ADA: variants seen among roughly 807,000 people sequenced by gnomAD.
ADA encodes adenosine aminohydrolase.
A neutral mutation model predicts 49.0 loss-of-function variants in ADA; 45 were observed. That is an observed-to-expected ratio of 0.92 (90% confidence interval 0.72 to 1.18). ADA has a LOEUF of 1.18. ADA is among the 50% of genes most tolerant of loss of function. ADA has a pLI of 0.00. For synonymous variants in ADA, 173 were observed against 184.2 expected, an observed-to-expected ratio of 0.94 and a Z score of 0.49; for missense variants, 445 against 472.5, an observed-to-expected ratio of 0.94 and a Z score of 0.54.
At position 44,619,705 on chromosome 20, in the gene ADA, G is replaced by T; in HGVS notation, c.*129C>A. 1 of 1,246,708 alleles carries T rather than the reference G, an allele frequency of 8.0e-7. No homozygotes were observed. Among genetic ancestry groups the T allele is most frequent in the Non-Finnish European group, 1.2e-6 (1 of 851,720 alleles). 77.2% of individuals were successfully genotyped at this position (1,246,708 alleles called of 1,614,324 possible). Reference sequence around the variant, plus strand: ...ACGTGTGTGCAGAAATGGACACATAGGGTTCAGGAGCATCAGTAACTGACT... The same window carrying T: ...ACGTGTGTGCAGAAATGGACACATATGGTTCAGGAGCATCAGTAACTGACT... On this transcript the variant is annotated 3_prime_UTR_variant, in exon 12 of 12. Transcript: ENST00000372874.
chr20:44,622,269 C>T lies in ADA; in HGVS notation c.845+319G>A, dbSNP rs987658856. Among the ~76,000 whole-genome samples, 9 of 152,288 alleles carry T rather than the reference C, an allele frequency of 5.9e-5. No homozygotes were observed. The South Asian group carries it at 8.3e-4, about 14-fold the overall frequency. On this transcript the variant is annotated intron_variant, in intron 9 of 11. Transcript: ENST00000372874. ...GCCAGAGGGACTCCTGCTTCCTATGCGATGCCCAGGGGGCAGAGTTGGGAG... is the reference window on the plus strand; with the variant it reads ...GCCAGAGGGACTCCTGCTTCCTATGTGATGCCCAGGGGGCAGAGTTGGGAG...
rs144168646 is a variant in ADA, at chr20:44,629,073, C to T, written c.192G>A (p.Lys64=). The T allele has an allele frequency of 1.3e-4, 202 of 1,614,206 alleles. 2 individuals carry two copies. In the East Asian group the frequency reaches 4.2e-3, roughly 34 times the overall value. ...KPLTLPDFLA[K]FDYYMPAIAG... is the part of the protein sequence containing the mutation. ...CGATAGCAGGCATGTAGTAGTCAAA[C>T]TTGGCCAGGAAGTCTGGAAGGGTGA... Residue 64 remains lysine (K), a synonymous_variant, in exon 3 of 12, where the codon AAG becomes AAA. Transcript: ENST00000372874.
intron 1 of ADA, among the ~76,000 whole-genome samples, chr20:44,644,947 C>T (rs781051439): frequency 3.2e-4 from 49 of 152,250 alleles, no homozygotes; most frequent in Non-Finnish European, 6.0e-4. Context: ...GGCAACAAGA[C>T]TGAGGCTCAG....
chr20:44,620,921 C>G (rs2065324295), intron 10 of ADA, 97 bp downstream of exon 10: 1 of 1,532,464 alleles, frequency 6.5e-7, no homozygotes, highest in Non-Finnish European at 9.0e-7. Context: ...GAGGCAGACT[C>G]ACTCCCTCTC....
intron 10 of ADA, chr20:44,620,718 A>G (rs941504324): frequency 1.4e-4 from 79 of 560,006 alleles, no homozygotes; most frequent in Admixed American, 9.1e-5. Flanking sequence ...TTTAAGAACA[A>G]CCTGAAGAGA....
chr20:44,649,421 C>T (rs981736289), intron 1 of ADA, among the ~76,000 whole-genome samples: 4 of 152,020 alleles, frequency 2.6e-5, no homozygotes, highest in African/African-American at 9.7e-5. Flanking sequence ...TGGCAGGTAA[C>T]ATTCTACCTT....
In ADA at chr20:44,619,818, TGGA is replaced by T. The variant is rs760701753; in HGVS notation, c.*13_*15del. ...GGGGTGACTCCACAGGGTGAAGGCT[TGGA>T]GGAGTGGCGTCTTCAGAGGTTCTGC... On this transcript the variant is annotated 3_prime_UTR_variant, in exon 12 of 12. Coordinates refer to ENST00000372874, the MANE Select transcript of ADA (RefSeq NM_000022.4). 6.2e-7 allele frequency: 1 copy of T among 1,614,192 alleles called. No homozygotes were observed. Among genetic ancestry groups the T allele is most frequent in the South Asian group, 1.1e-5 (1 of 91,076 alleles).
At chr20:44,640,089 T>G (rs753903177) in intron 1 of ADA, among the ~76,000 whole-genome samples, 4 of 152,012 alleles carry the variant, frequency 2.6e-5, no homozygotes, top group Admixed American at 6.6e-5. Flanking sequence ...GCTGTCTACA[T>G]GCTAATCCTA....
Position 44,622,181 on chromosome 20 carries a change from A to G in ADA, c.845+407T>C, listed in dbSNP as rs148483469. ...AGACCCTCCGGTGGAAAGCTTCAAG[A>G]TGGCGCTCAGGGGAATGCCCAGGGG... On this transcript the variant is annotated intron_variant, in intron 9 of 11. Coordinates refer to ENST00000372874, the MANE Select transcript of ADA (RefSeq NM_000022.4). 5.5e-3 allele frequency among the ~76,000 whole-genome samples: 834 copies of G among 152,304 alleles called. 3 individuals are homozygous for G. The highest frequency in any genetic ancestry group is 0.019 in the African/African-American group (777 of 41,560).
At chr20:44,623,734 CTCTT>C (rs1192609662) in intron 6 of ADA, among the ~76,000 whole-genome samples, 1 of 145,188 alleles carries the variant, frequency 6.9e-6, no homozygotes, top group African/African-American at 2.7e-5. Context: ...TCTTTCTTTT[CTCTT>C]TCTTCTTTCT....
At chr20:44,641,707 TG>T (rs2065536421) in intron 1 of ADA, among the ~76,000 whole-genome samples, 1 of 151,192 alleles carries the variant, frequency 6.6e-6, no homozygotes, top group South Asian at 2.1e-4. Flanking sequence ...GTGGGACTGG[TG>T]GGGGGAGGTC....
intron 2 of ADA, among the ~76,000 whole-genome samples, chr20:44,631,128 A>T (rs540054887): frequency 6.6e-6 from 1 of 152,202 alleles, no homozygotes; most frequent in African/African-American, 2.4e-5. Flanking sequence ...TGTTACTAAA[A>T]TATTAAAATG....
At chr20:44,620,696 T>C (rs991059742) in intron 10 of ADA, 44 of 561,362 alleles carry the variant, frequency 7.8e-5, no homozygotes, top group Admixed American at 4.8e-4. Flanking sequence ...AATGGACTTA[T>C]TCAGCCTGGG....
intron 1 of ADA, among the ~76,000 whole-genome samples, chr20:44,650,978 C>G (rs903979419): frequency 6.6e-6 from 1 of 152,206 alleles, no homozygotes; most frequent in East Asian, 1.9e-4. Context: ...GGCTTGGCCT[C>G]GAGTGAACCC....
chr20:44,619,932 A>G, intron 11 of ADA, 85 bp from the exon 12 acceptor site: 1 of 1,549,512 alleles, frequency 6.5e-7, no homozygotes, highest in Non-Finnish European at 8.9e-7. Context: ...CCAGAACCAG[A>G]AAGGAACTCC....
chr20:44,639,954 C>T (rs1715711513), intron 1 of ADA, among the ~76,000 whole-genome samples: 2 of 151,914 alleles, frequency 1.3e-5, no homozygotes, highest in South Asian at 4.2e-4. Context: ...GCTGAGCCTA[C>T]AGAACTGTGG....
At chr20:44,637,871 TCCCA>T (rs2065494811) in intron 1 of ADA, among the ~76,000 whole-genome samples, 1 of 152,102 alleles carries the variant, frequency 6.6e-6, no homozygotes, top group Non-Finnish European at 1.5e-5. Flanking sequence ...TGAGTTCAGT[TCCCA>T]CCCAGCCAAA....
At chr20:44,641,520 G>T (rs1025263253) in intron 1 of ADA, among the ~76,000 whole-genome samples, 1 of 152,132 alleles carries the variant, frequency 6.6e-6, no homozygotes, top group Non-Finnish European at 1.5e-5. Context: ...GGCATGTCTT[G>T]GGCAAGTTTA....
rs1187324083 is a variant in ADA at position 44,623,167 on chromosome 20, C to G, written c.607-89G>C. On this transcript the variant is annotated intron_variant, in intron 6 of 11. Transcript: ENST00000372874. ...ACCATGCTGTGGAGATTGAACCATCCTAGTCATGCTGCCTGCTTCAACAGC... is the reference window on the plus strand; with the variant it reads ...ACCATGCTGTGGAGATTGAACCATCGTAGTCATGCTGCCTGCTTCAACAGC... 5.7e-6 allele frequency: 9 copies of G among 1,580,052 alleles called. No individual in the cohort carries two copies. In the South Asian group the frequency reaches 6.7e-5, roughly 12 times the overall value.
Sources: allele counts gnomAD v4.1 joint callset (sites outside exome capture counted in the v4.1 genomes callset), GRCh38; gene constraint gnomAD v4.1.1; transcripts MANE v1.5; gene names NCBI Gene and HGNC (gene_info 2026-07-23, HGNC 2026-07-21).